The following CENPE variants were observed in gnomAD, a reference collection of about 807,000 sequenced individuals.
CENPE encodes the protein centromere-associated protein E.
Under a neutral mutation model 336.1 loss-of-function variants are expected in CENPE, and 145 were observed. The ratio of observed to expected loss-of-function variants is 0.43; its 90% CI spans 0.38 to 0.50. CENPE has a LOEUF of 0.50. CENPE is among the 20% of genes least tolerant of loss of function. The pLI is 0.00. For missense variants in CENPE, 2,719 were observed against 3,023.3 expected (o/e 0.90, Z 2.36); for synonymous variants, 1,013 against 984.8 (o/e 1.03, Z -0.54).
intron 8 of CENPE, among the ~76,000 whole-genome samples, chr4:103,187,515 T>A (rs532103510): frequency 1.3e-5 from 2 of 152,310 alleles, no homozygotes; most frequent in African/African-American, 4.8e-5. Context: ...AAGAAAAGAA[T>A]ATTCAACCCA....
intron 42 of CENPE, among the ~76,000 whole-genome samples, chr4:103,132,102 C>G (rs1751635105): frequency 6.6e-6 from 1 of 152,092 alleles, no homozygotes; most frequent in Non-Finnish European, 1.5e-5. Flanking sequence ...GCTACGGACT[C>G]TCTTGGGTGA....
Position 103,159,329 on chromosome 4 carries a change from G to A in CENPE, c.2287-5C>T. The A allele has an allele frequency of 5.0e-6, 7 of 1,390,710 alleles. No homozygotes were observed. Among genetic ancestry groups the A allele is most frequent in the South Asian group, 1.6e-5 (1 of 60,658 alleles). The allele number at this position is 1,390,710 out of a possible 1,614,324, so 86.1% of individuals were successfully genotyped here. A position where few individuals can be genotyped will look rare whatever the true frequency, so the allele number is the denominator to read the frequency against. The stretch of plus-strand genomic sequence containing the variant: ...CTCTTCAGATTTGTCTTGTATCTAT[G>A]GAAAAGAAATAAAATTTAGGGATGT... On this transcript the variant is annotated splice_region_variant and splice_polypyrimidine_tract_variant and intron_variant, in intron 21 of 48. Transcript: ENST00000265148.
In CENPE at chr4:103,120,232, A is replaced by T; in HGVS notation, c.7245T>A (p.Asn2415Lys). Residue 2415 changes from asparagine (N) to lysine (K), a missense_variant, in exon 44 of 49, where the codon AAT (asparagine) becomes AAA (lysine). Asn to Lys is a moderately conservative substitution (Grantham distance 94). Transcript: ENST00000265148. ...IKMQKELEVT[N>K]DIIAKLQAKV... The stretch of plus-strand genomic sequence containing the variant: ...TGGCTTGAAGTTTTGCTATTATGTC[A>T]TTAGTCACCTCAAGTTCTTTCTGCA... The T allele has an allele frequency of 1.9e-6, 3 of 1,612,676 alleles. No individual in the cohort carries two copies. Among genetic ancestry groups the T allele is most frequent in the Non-Finnish European group, 1.7e-6 (2 of 1,179,284 alleles).
chr4:103,144,400 C>T lies in CENPE; in HGVS notation c.5076G>A (p.Arg1692=). ...RSVTKERDDL[R]SVEETLKVER... Reference sequence around the variant, plus strand: ...CTACTTTGAGAGTCTCCTCCACACTCCTAAGGTCATCTCTTTCTTTTGTTA... The same window carrying T: ...CTACTTTGAGAGTCTCCTCCACACTTCTAAGGTCATCTCTTTCTTTTGTTA... The change falls in exon 33 of 49, where the codon AGG becomes AGA. Residue 1692 remains arginine, a synonymous_variant. Transcript: ENST00000265148. The T allele has an allele frequency of 1.2e-6, 2 of 1,614,008 alleles. No homozygotes were observed. Among genetic ancestry groups the T allele is most frequent in the Non-Finnish European group, 1.7e-6 (2 of 1,179,896 alleles).
chr4:103,134,395 G>A (rs1360165156), intron 40 of CENPE, among the ~76,000 whole-genome samples: 2 of 152,070 alleles, frequency 1.3e-5, no homozygotes, highest in East Asian at 3.9e-4. Flanking sequence ...AGCACTTTGG[G>A]AGGCTGACGT....
At chr4:103,165,533 T>G (rs1048730024) in intron 16 of CENPE, among the ~76,000 whole-genome samples, 6 of 152,338 alleles carry the variant, frequency 3.9e-5, no homozygotes, top group African/African-American at 1.4e-4. Flanking sequence ...CCCTTTTAGC[T>G]AAACCTTTCC....
At chr4:103,189,463 T>C (rs1043034571) in intron 8 of CENPE, among the ~76,000 whole-genome samples, 114 of 152,220 alleles carry the variant, frequency 7.5e-4, no homozygotes, top group African/African-American at 2.5e-3. Flanking sequence ...GGGCTTCATC[T>C]CTGGGATGCA....
Position 103,161,366 on chromosome 4 carries a change from C to G in CENPE, c.1934G>C (p.Arg645Thr), listed in dbSNP as rs934592564. Residue 645 changes from arginine (R) to threonine (T), a missense_variant, in exon 19 of 49, where the codon AGA becomes ACA. Physicochemically the swap from Arg to Thr is moderately conservative, Grantham distance 71. Transcript: ENST00000265148. The part of the protein sequence containing the change: ...LDAKRESAFL[R>T]SENLELKEKM... ...CTCCTTCAGCTCCAGATTTTCACTT[C>G]TAAGAAAGGCTGATTCTCTCTTGGC... 2 of 1,611,684 alleles carry G rather than the reference C, an allele frequency of 1.2e-6. No homozygotes were observed. Among genetic ancestry groups the G allele is most frequent in the African/African-American group, 2.7e-5 (2 of 74,828 alleles).
chr4:103,125,521 A>C (rs189540194), intron 42 of CENPE, among the ~76,000 whole-genome samples: 49 of 152,272 alleles, frequency 3.2e-4, no homozygotes, highest in Admixed American at 3.3e-4. Context: ...ATGATTAAAA[A>C]AAAAATCAAA....
At chr4:103,106,579 T>A (rs1439268464) in intron 48 of CENPE, among the ~76,000 whole-genome samples, 1 of 152,226 alleles carries the variant, frequency 6.6e-6, no homozygotes, top group Middle Eastern at 3.2e-3. Context: ...ATTCTTCAAT[T>A]TGAAATTCAA....
chr4:103,155,519 C>T (rs1366708773), intron 24 of CENPE, among the ~76,000 whole-genome samples: 2 of 151,916 alleles, frequency 1.3e-5, no homozygotes, highest in Non-Finnish European at 2.9e-5. Context: ...CACCATGTTG[C>T]CCAGGCCGGT....
intron 1 of CENPE, among the ~76,000 whole-genome samples, chr4:103,197,446 C>G (rs1013380971): frequency 1.3e-5 from 2 of 152,212 alleles, no homozygotes; most frequent in Non-Finnish European, 2.9e-5. Context: ...ACCTGCCCAT[C>G]ATAACACTTG....
intron 13 of CENPE, among the ~76,000 whole-genome samples, chr4:103,177,351 T>C (rs1196362869): frequency 6.6e-6 from 1 of 151,986 alleles, no homozygotes; most frequent in African/African-American, 2.4e-5. Context: ...TCCTTACCAC[T>C]CACTCTGCTT....
intron 24 of CENPE, among the ~76,000 whole-genome samples, chr4:103,154,286 GT>G (rs370491705): frequency 4.8e-5 from 7 of 147,226 alleles, no homozygotes; most frequent in African/African-American, 7.5e-5. Context: ...TCCATTAAAG[GT>G]TTTTTTTTTG....
At chr4:103,128,593 T>A (rs1751327414) in intron 42 of CENPE, among the ~76,000 whole-genome samples, 1 of 152,194 alleles carries the variant, frequency 6.6e-6, no homozygotes, top group Non-Finnish European at 1.5e-5. Flanking sequence ...AATCCCTGGA[T>A]AATTAGAGAT....
chr4:103,183,661 T>C (rs900261174), intron 9 of CENPE, among the ~76,000 whole-genome samples: 13 of 152,182 alleles, frequency 8.5e-5, no homozygotes, highest in African/African-American at 2.9e-4. Context: ...TCTAATTTCT[T>C]ATTTTTAAAT....
intron 39 of CENPE, among the ~76,000 whole-genome samples, chr4:103,137,982 C>CT (rs1752209809): frequency 6.6e-6 from 1 of 152,192 alleles, no homozygotes; most frequent in South Asian, 2.1e-4. Context: ...CATTCATTAG[C>CT]AGCTTGCCCT....
chr4:103,134,038 C>G (rs1056253521), intron 40 of CENPE, 146 bp from the exon 41 acceptor site: 1 of 648,048 alleles, frequency 1.5e-6, no homozygotes, highest in Non-Finnish European at 2.7e-6. Context: ...GAGCTTCTCT[C>G]TATCCCCAGT....
Position 103,141,858 on chromosome 4 carries a change from C to T in CENPE, c.5355G>A (p.Glu1785=), listed in dbSNP as rs1224668063. ...ELRIAHMHLK[E]QQETIDKLRG... ...TGAGTTTGTCAATAGTTTCCTGCTG[C>T]TCTTTCAGATGCATGTGAGCAATTC... Residue 1785 remains glutamate, a synonymous_variant, in exon 35 of 49, where the codon GAG becomes GAA. Transcript: ENST00000265148. 2 of 1,603,538 alleles carry T rather than the reference C, an allele frequency of 1.2e-6. No individual in the cohort carries two copies. Among genetic ancestry groups the T allele is most frequent in the Admixed American group, 1.7e-5 (1 of 59,146 alleles).
Sources: gnomAD v4.1 joint callset for allele counts (sites outside exome capture counted in the v4.1 genomes callset) on GRCh38, gnomAD v4.1.1 for gene constraint, MANE v1.5 for transcripts, NCBI Gene and HGNC (gene_info 2026-07-23, HGNC 2026-07-21) for gene names.